Variants in RNGTT observed in about 807,000 individuals in gnomAD.
The protein encoded by RNGTT is RNA guanylyltransferase and 5'-phosphatase.
In RNGTT, 33 loss-of-function variants were observed where a neutral mutation model predicts 79.3. That is an observed-to-expected ratio of 0.42 (90% CI 0.32 to 0.56). RNGTT has a LOEUF of 0.56. Among genes scored for constraint, RNGTT ranks in the 20% least tolerant of loss-of-function variants. The pLI is 0.17. For missense variants in RNGTT, 497 were observed against 739.1 expected (o/e 0.67, Z 3.80); for synonymous variants, 222 against 235.9 (o/e 0.94, Z 0.54).
chr6:88,861,999 A>G (rs368370491), intron 8 of RNGTT, among the ~76,000 whole-genome samples: 3 of 152,306 alleles, frequency 2.0e-5, no homozygotes, highest in East Asian at 1.9e-4. Context: ...CTATAATTCC[A>G]TAGAAATACA....
intron 9 of RNGTT, among the ~76,000 whole-genome samples, chr6:88,853,265 T>A (rs1356546776): frequency 6.6e-6 from 1 of 152,166 alleles, no homozygotes; most frequent in Admixed American, 6.5e-5. Context: ...CCCAGCACTC[T>A]GGGAGGCTGA....
At position 88,707,639 on chromosome 6, in the gene RNGTT, T is replaced by C. The variant is rs532563808; in HGVS notation, c.1440-29220A>G. Among the ~76,000 whole-genome samples, 3 of 151,066 alleles carry C rather than the reference T, an allele frequency of 2.0e-5. No individual in the cohort carries two copies. The South Asian group carries it at 6.3e-4, about 32-fold the overall frequency. ...TGCCTGTTTCCCTGCCTGAAACTCA[T>C]GGGTGAATGCCACACACTATGCATA... On this transcript the variant is annotated intron_variant, in intron 13 of 15. Coordinates refer to ENST00000369485, the MANE Select transcript of RNGTT (RefSeq NM_003800.5).
At chr6:88,760,766 A>G (rs183822286) in intron 13 of RNGTT, among the ~76,000 whole-genome samples, 85 of 152,230 alleles carry the variant, frequency 5.6e-4, no homozygotes, top group African/African-American at 1.9e-3. Context: ...CCCATACTTA[A>G]TCCTTCCTTA....
At chr6:88,921,921 T>C (rs1230889880) in intron 4 of RNGTT, among the ~76,000 whole-genome samples, 1 of 152,140 alleles carries the variant, frequency 6.6e-6, no homozygotes, top group Non-Finnish European at 1.5e-5. Context: ...AGGATGTTCA[T>C]AGGTCATATG....
At chr6:88,720,970 C>T in intron 13 of RNGTT, among the ~76,000 whole-genome samples, 1 of 151,884 alleles carries the variant, frequency 6.6e-6, no homozygotes, top group East Asian at 1.9e-4. Context: ...TAAAAAATTA[C>T]TTCTCTACTT....
chr6:88,614,384 C>T lies in RNGTT; in HGVS notation c.1518G>A (p.Glu506=). ...RPFAQIKVTK[E]LKQYDNKIIE... is the part of the protein sequence containing the mutation. ...TAATTTTGTTGTCATACTGTTTCAG[C>T]TCTTTTGTCACCTGTTTTGAAAGAG... is the stretch of plus-strand genomic sequence containing the variant. Residue 506 remains glutamate, a synonymous_variant, in exon 15 of 16, where the codon GAG becomes GAA. Coordinates refer to ENST00000369485, the MANE Select transcript of RNGTT (RefSeq NM_003800.5). 6.2e-7 allele frequency: 1 copy of T among 1,613,496 alleles called. No individual in the cohort carries two copies. Among genetic ancestry groups the T allele is most frequent in the Non-Finnish European group, 8.5e-7 (1 of 1,179,600 alleles).
rs55920605 is a variant in RNGTT at position 88,632,544 on chromosome 6, GACACAC to G, written c.1507-18155_1507-18150del. ...CCAACTACAGACACACAGACACACAGACACACACACACACACACACACACACACACA... is the reference window on the plus strand; with the variant it reads ...CCAACTACAGACACACAGACACACAGACACACACACACACACACACACACA... On this transcript the variant is annotated intron_variant, in intron 14 of 15. Transcript: ENST00000369485. Among the ~76,000 whole-genome samples, 471 of 133,032 alleles carry G rather than the reference GACACAC, an allele frequency of 3.5e-3. 1 individual carries two copies. The highest frequency in any genetic ancestry group is 4.6e-3 in the Non-Finnish European group (296 of 64,484). The allele number at this position is 133,032 out of a possible 152,430, so 87.3% of individuals were successfully genotyped here.
At chr6:88,627,055 G>T (rs898697821) in intron 14 of RNGTT, among the ~76,000 whole-genome samples, 3 of 151,120 alleles carry the variant, frequency 2.0e-5, no homozygotes, top group Admixed American at 1.3e-4. Context: ...ATGAGGAGGA[G>T]GCTAAAAAAT....
chr6:88,907,229 T>C (rs1295429964), intron 4 of RNGTT, among the ~76,000 whole-genome samples: 1 of 152,226 alleles, frequency 6.6e-6, no homozygotes, highest in Non-Finnish European at 1.5e-5. Flanking sequence ...CCAAATCTCA[T>C]CTCAATTTGT....
intron 13 of RNGTT, among the ~76,000 whole-genome samples, chr6:88,715,149 T>C (rs971352450): frequency 1.3e-5 from 2 of 152,096 alleles, no homozygotes; most frequent in Admixed American, 6.5e-5. Context: ...ACAAAAATCA[T>C]AAGCATTCTT....
chr6:88,901,500 T>G lies in RNGTT; in HGVS notation c.684+3215A>C, dbSNP rs1258424194. On this transcript the variant is annotated intron_variant, in intron 6 of 15. Transcript: ENST00000369485. ...TAACTGTCAAGCACCCTGATCTTTT[T>G]TTTTTTTTTTTTTTTTTTTTTTTTG... Among the ~76,000 whole-genome samples the G allele has an allele frequency of 2.5e-4, 14 of 56,862 alleles. 1 individual carries two copies. Among genetic ancestry groups the G allele is most frequent in the African/African-American group, 6.4e-4 (11 of 17,224 alleles). 37.3% of individuals were successfully genotyped at this position (56,862 alleles called of 152,430 possible).
At chr6:88,740,628 G>A (rs543638099) in intron 13 of RNGTT, among the ~76,000 whole-genome samples, 6 of 152,216 alleles carry the variant, frequency 3.9e-5, no homozygotes, top group African/African-American at 1.4e-4. Context: ...GGATGAAGCT[G>A]GAAGCCATCA....
chr6:88,957,983 C>T lies in RNGTT; in HGVS notation c.64+5363G>A, dbSNP rs1308835105. Among the ~76,000 whole-genome samples, 5 of 152,176 alleles carry T rather than the reference C, an allele frequency of 3.3e-5. No homozygotes were observed. The East Asian group carries it at 9.6e-4, about 29-fold the overall frequency. The stretch of plus-strand genomic sequence containing the variant: ...CATTACCCAACTTCAAATTATACTA[C>T]AAGACTATAGTAACCAAAACAGCAT... On this transcript the variant is annotated intron_variant, in intron 1 of 15. Transcript: ENST00000369485.
At chr6:88,664,871 C>A (rs184782430) in intron 14 of RNGTT, among the ~76,000 whole-genome samples, 1 of 152,226 alleles carries the variant, frequency 6.6e-6, no homozygotes, top group Non-Finnish European at 1.5e-5. Flanking sequence ...TGGTGCTGAA[C>A]ATTCAGTAGT....
At chr6:88,865,980 A>C (rs1782153029) in intron 8 of RNGTT, among the ~76,000 whole-genome samples, 1 of 152,184 alleles carries the variant, frequency 6.6e-6, no homozygotes. Flanking sequence ...TTTATCTACC[A>C]AAAAGAAATA....
At chr6:88,731,790 T>G (rs1777125231) in intron 13 of RNGTT, among the ~76,000 whole-genome samples, 1 of 152,188 alleles carries the variant, frequency 6.6e-6, no homozygotes, top group Non-Finnish European at 1.5e-5. Flanking sequence ...AAAATCCACA[T>G]GTAACTTTTG....
intron 14 of RNGTT, among the ~76,000 whole-genome samples, chr6:88,647,715 A>AAAAAAAAAAAAAAAGAAG (rs531898293): frequency 1.2e-4 from 17 of 142,502 alleles, no homozygotes; most frequent in African/African-American, 4.5e-4. Context: ...AAAAAAAAAA[A>AAAAAAAAAAAAAAAGAAG]AAGAAGAAGA....
At chr6:88,785,334 C>T (rs1582458341) in intron 12 of RNGTT, among the ~76,000 whole-genome samples, 1 of 151,936 alleles carries the variant, frequency 6.6e-6, no homozygotes, top group African/African-American at 2.4e-5. Flanking sequence ...CTAGCTGAGA[C>T]TGATTACAAA....
chr6:88,614,200 C>T, intron 15 of RNGTT, 72 bp downstream of exon 15: 2 of 1,450,914 alleles, frequency 1.4e-6, no homozygotes, highest in South Asian at 2.4e-5. Flanking sequence ...ACAACAAAGG[C>T]AGCACACTTT....
Sources: gnomAD v4.1 joint callset for allele counts (sites outside exome capture counted in the v4.1 genomes callset) on GRCh38, gnomAD v4.1.1 for gene constraint, MANE v1.5 for transcripts, NCBI Gene and HGNC (gene_info 2026-07-23, HGNC 2026-07-21) for gene names.